GATAD2A: variants seen among roughly 807,000 people sequenced by gnomAD.
GATAD2A encodes the protein transcriptional repressor p66-alpha.
In GATAD2A, 12 loss-of-function variants were observed where a neutral mutation model predicts 68.5. The ratio of observed to expected loss-of-function variants is 0.18; its 90% CI spans 0.11 to 0.28. The LOEUF is 0.28. Among genes scored for constraint, GATAD2A ranks in the 10% least tolerant of loss-of-function variants. The pLI, the probability that GATAD2A is intolerant of heterozygous loss-of-function variation, is 1.00. For missense variants in GATAD2A, 755 were observed against 868.5 expected, an observed-to-expected ratio of 0.87 and a Z score of 1.64; for synonymous variants, 410 against 375.3, an observed-to-expected ratio of 1.09 and a Z score of -1.07.
chr19:19,444,687 A>G (rs2055497303), intron 1 of GATAD2A, among the ~76,000 whole-genome samples: 2 of 152,068 alleles, frequency 1.3e-5, no homozygotes, highest in Admixed American at 6.6e-5. Flanking sequence ...CCTAGGCAAC[A>G]TGGCGAGACC....
intron 7 of GATAD2A, among the ~76,000 whole-genome samples, chr19:19,496,682 G>A (rs1354497713): frequency 6.6e-6 from 1 of 152,194 alleles, no homozygotes; most frequent in East Asian, 1.9e-4. Context: ...GTCACCAGGT[G>A]CGCCTATTCT....
At chr19:19,402,149 C>G (rs1365584022), upstream of GATAD2A, 1 of 152,102 alleles carries the variant, frequency 6.6e-6, no homozygotes, top group Non-Finnish European at 1.5e-5. Context: ...GCCTCAAACT[C>G]CTGGGCTTGA....
At chr19:19,476,083 G>A (rs989589122) in intron 2 of GATAD2A, among the ~76,000 whole-genome samples, 3 of 152,138 alleles carry the variant, frequency 2.0e-5, no homozygotes, top group Non-Finnish European at 2.9e-5. Flanking sequence ...GAGGGGACTC[G>A]GATCCCTAAC....
intron 7 of GATAD2A, among the ~76,000 whole-genome samples, chr19:19,496,620 C>T (rs540258022): frequency 3.3e-5 from 5 of 152,336 alleles, no homozygotes; most frequent in South Asian, 2.1e-4. Context: ...GAGCCCATGC[C>T]GCCCTCCCGG....
chr19:19,428,304 A>G (rs2053329200), intron 1 of GATAD2A, among the ~76,000 whole-genome samples: 1 of 152,244 alleles, frequency 6.6e-6, no homozygotes, highest in South Asian at 2.1e-4. Flanking sequence ...TGCTGCATGC[A>G]CTGCCCAGGC....
intron 1 of GATAD2A, among the ~76,000 whole-genome samples, chr19:19,422,379 G>C (rs781224687): frequency 7.9e-5 from 12 of 152,122 alleles, no homozygotes; most frequent in Non-Finnish European, 1.5e-4. Context: ...CTCTCTGCTT[G>C]CTCCCTGGAA....
chr19:19,480,195 C>T (rs2058960668), intron 2 of GATAD2A, among the ~76,000 whole-genome samples: 2 of 152,194 alleles, frequency 1.3e-5, no homozygotes, highest in African/African-American at 4.8e-5. Flanking sequence ...TTCTGCCTGA[C>T]AGTTTTATCT....
At chr19:19,419,911 G>A (rs974546425) in intron 1 of GATAD2A, among the ~76,000 whole-genome samples, 1 of 151,912 alleles carries the variant, frequency 6.6e-6, no homozygotes, top group African/African-American at 2.4e-5. Flanking sequence ...ATGGTACAGC[G>A]GTTCAGGTTT....
At chr19:19,486,567 C>G (rs2059443648) in intron 2 of GATAD2A, among the ~76,000 whole-genome samples, 1 of 152,178 alleles carries the variant, frequency 6.6e-6, no homozygotes, top group South Asian at 2.1e-4. Context: ...TGGGGCAGCT[C>G]CCGGCAAACA....
intron 1 of GATAD2A, chr19:19,435,124 T>C (rs765622881): frequency 1.9e-6 from 1 of 533,606 alleles, no homozygotes; most frequent in Non-Finnish European, 3.9e-6. Context: ...AAAATGGGCA[T>C]GATCCAGGAA....
chr19:19,386,654 G>A (rs2048449556), intron 1 of GATAD2A, among the ~76,000 whole-genome samples: 1 of 151,470 alleles, frequency 6.6e-6, no homozygotes. Flanking sequence ...AGGGGACCTC[G>A]TCTCTAGGGA....
At chr19:19,407,321 G>T (rs2050393805) in intron 1 of GATAD2A, among the ~76,000 whole-genome samples, 1 of 152,246 alleles carries the variant, frequency 6.6e-6, no homozygotes, top group African/African-American at 2.4e-5. Context: ...ACCACAAGCT[G>T]TGGAGGGCTG....
At chr19:19,440,743 G>A (rs1010499357) in intron 1 of GATAD2A, among the ~76,000 whole-genome samples, 1 of 152,098 alleles carries the variant, frequency 6.6e-6, no homozygotes, top group Non-Finnish European at 1.5e-5. Flanking sequence ...AAAAACCAAA[G>A]ACAAAAATGA....
chr19:19,392,227 A>C (rs953544824), intron 1 of GATAD2A, among the ~76,000 whole-genome samples: 1 of 151,296 alleles, frequency 6.6e-6, no homozygotes, highest in Non-Finnish European at 1.5e-5. Context: ...CTGGGACTAC[A>C]GGCATGCGCC....
intron 1 of GATAD2A, among the ~76,000 whole-genome samples, chr19:19,414,702 C>CTT (rs576088323): frequency 8.6e-4 from 121 of 140,100 alleles, no homozygotes; most frequent in African/African-American, 1.6e-3. Context: ...ACGCCCAGCT[C>CTT]TTTTTTTTTT....
chr19:19,400,208 T>C (rs2049604775), intron 1 of GATAD2A, among the ~76,000 whole-genome samples: 1 of 152,174 alleles, frequency 6.6e-6, no homozygotes, highest in Admixed American at 6.6e-5. Context: ...AGTTTGTGCT[T>C]AACCCTTTAG....
intron 1 of GATAD2A, among the ~76,000 whole-genome samples, chr19:19,420,770 G>A (rs566368420): frequency 6.8e-4 from 103 of 152,094 alleles, no homozygotes; most frequent in Non-Finnish European, 1.3e-3. Flanking sequence ...ACAGTCCCTC[G>A]TGTGAGTGTG....
At chr19:19,475,428 C>T (rs1046022516) in intron 2 of GATAD2A, among the ~76,000 whole-genome samples, 68 of 152,140 alleles carry the variant, frequency 4.5e-4, no homozygotes, top group African/African-American at 1.5e-3. Context: ...GTCCCAGAGT[C>T]AGGGTCCAGA....
At chr19:19,470,035 G>A (rs2058165013) in intron 2 of GATAD2A, among the ~76,000 whole-genome samples, 1 of 151,854 alleles carries the variant, frequency 6.6e-6, no homozygotes, top group Admixed American at 6.6e-5. Context: ...ACAAAAGGAT[G>A]GAAAAAGAGG....
Sources: allele counts gnomAD v4.1 joint callset (sites outside exome capture counted in the v4.1 genomes callset), GRCh38; gene constraint gnomAD v4.1.1; transcripts MANE v1.5; gene names NCBI Gene and HGNC (gene_info 2026-07-23, HGNC 2026-07-21).